CHD1: variants seen among roughly 807,000 people sequenced by gnomAD.
The protein encoded by CHD1 is chromodomain helicase DNA binding protein 1, also known as ATP-dependent chromatin remodeler CHD1.
CHD1 carries 36 observed loss-of-function variants against 224.2 expected under a neutral mutation model. That is an observed-to-expected ratio of 0.16 (90% CI 0.12 to 0.21). CHD1 has a LOEUF of 0.21. CHD1 is among the 10% of genes least tolerant of loss of function. The pLI is 1.00. For missense variants in CHD1, 1,378 were observed against 1,994.8 expected (o/e 0.69, Z 5.89); for synonymous variants, 668 against 658.3 (o/e 1.01, Z -0.23).
chr5:98,896,580 T>A, intron 11 of CHD1, 138 bp from the exon 12 acceptor site: 1 of 612,142 alleles, frequency 1.6e-6, no homozygotes, highest in Non-Finnish European at 2.8e-6. Context: ...TTTTATTAAC[T>A]ACAAATAATA....
chr5:98,910,062 A>C (rs1752289554), intron 2 of CHD1, among the ~76,000 whole-genome samples: 1 of 152,168 alleles, frequency 6.6e-6, no homozygotes, highest in Non-Finnish European at 1.5e-5. Flanking sequence ...TCTAAGTACT[A>C]GGTGAACCTA....
intron 1 of CHD1, among the ~76,000 whole-genome samples, chr5:98,928,073 GC>G (rs1163208434): frequency 1.3e-5 from 2 of 152,008 alleles, no homozygotes; most frequent in African/African-American, 4.8e-5. Flanking sequence ...TCGCGGACCT[GC>G]CCCCCTCTCC....
chr5:98,885,453 A>G (rs1716811205), intron 18 of CHD1, 125 bp downstream of exon 18: 2 of 657,922 alleles, frequency 3.0e-6, no homozygotes, highest in Non-Finnish European at 5.3e-6. Flanking sequence ...TGCTAATCAA[A>G]GGTGGCTAAC....
At position 98,900,996 on chromosome 5, in the gene CHD1, T is replaced by C. The variant is rs1751664784; in HGVS notation, c.674A>G (p.Tyr225Cys). The change falls in exon 7 of 36, where the codon TAT becomes TGT. Residue 225 changes from tyrosine (Y) to cysteine (C), a missense_variant. Tyr to Cys is a radical substitution (Grantham distance 194). Transcript: ENST00000614616. ...ACGAGAACTTCTTTTATCATTATCATAATCTTCTTCATCATCATCCTCCTC... is the reference window on the plus strand; with the variant it reads ...ACGAGAACTTCTTTTATCATTATCACAATCTTCTTCATCATCATCCTCCTC... ...SSEEDDDEED[Y>C]DNDKRSSRRQ... 2 of 1,614,018 alleles carry C rather than the reference T, an allele frequency of 1.2e-6. No individual in the cohort carries two copies. Among genetic ancestry groups the C allele is most frequent in the East Asian group, 4.5e-5 (2 of 44,862 alleles).
Position 98,881,373 on chromosome 5 carries a change from G to A in CHD1, c.2870C>T (p.Ser957Phe). ...VLHTGSAPSS[S>F]TPFNKEELSA... ...TAACTCTTCTTTATTGAAAGGAGTA[G>A]AACTAAAACAGGAAAAACAAAAATG... Residue 957 changes from serine to phenylalanine, a missense_variant and splice_region_variant, in exon 21 of 36, where the codon TCT becomes TTT. Physicochemically the swap from Ser to Phe is radical, Grantham distance 155 (BLOSUM62 -2). Around this residue, in one of 16 missense-constraint regions of CHD1, gnomAD observed 286 missense variants for 445.1 expected, o/e 0.64. Transcript: ENST00000614616. 1 of 1,495,050 alleles carries A rather than the reference G, an allele frequency of 6.7e-7. No homozygotes were observed. The highest frequency in any genetic ancestry group is 1.3e-5 in the South Asian group (1 of 76,924). 92.6% of individuals were successfully genotyped at this position (1,495,050 alleles called of 1,614,324 possible).
chr5:98,905,326 A>G (rs1190077763), intron 2 of CHD1, among the ~76,000 whole-genome samples: 1 of 152,228 alleles, frequency 6.6e-6, no homozygotes, highest in Non-Finnish European at 1.5e-5. Flanking sequence ...GATTTATGAC[A>G]TATTTTATAG....
chr5:98,873,116 C>T (rs1469783983), intron 26 of CHD1, among the ~76,000 whole-genome samples: 1 of 152,164 alleles, frequency 6.6e-6, no homozygotes, highest in Non-Finnish European at 1.5e-5. Flanking sequence ...GTGTGAGCCA[C>T]TATGCCTGGT....
At chr5:98,857,805 G>A (rs1459060330) in intron 35 of CHD1, among the ~76,000 whole-genome samples, 1 of 151,864 alleles carries the variant, frequency 6.6e-6, no homozygotes, top group East Asian at 1.9e-4. Context: ...TAAAAATATG[G>A]AATGCAAAAT....
At position 98,888,184 on chromosome 5, in the gene CHD1, T is replaced by C. The variant is rs1750778259; in HGVS notation, c.2400A>G (p.Leu800=). The C allele has an allele frequency of 6.2e-7, 1 of 1,611,504 alleles. No individual in the cohort carries two copies. The highest frequency in any genetic ancestry group is 2.2e-5 in the East Asian group (1 of 44,744). ...LILLDKLLIR[L]RERGNRVLIF... The stretch of plus-strand genomic sequence containing the variant: ...TAAGAACTCGATTGCCTCGTTCTCT[T>C]AGGCGAATTAATAGCTTGTCAAGAA... Residue 800 remains leucine, a synonymous_variant, in exon 17 of 36, where the codon CTA becomes CTG. Coordinates refer to ENST00000614616, the MANE Select transcript of CHD1 (RefSeq NM_001270.4).
rs753287763 is a variant in CHD1, at chr5:98,898,746, T to C, written c.1104A>G (p.Pro368=). 1.9e-6 allele frequency: 3 copies of C among 1,591,494 alleles called. No homozygotes were observed. The highest frequency in any genetic ancestry group is 2.2e-5 in the South Asian group (2 of 90,238). ...ETKRWLKNAS[P]EDVEYYNCQQ... ...GGCAATTATAATATTCCACATCTTCTGGAGAGGCATTTTTCAACCTGAAAA... is the reference window on the plus strand; with the variant it reads ...GGCAATTATAATATTCCACATCTTCCGGAGAGGCATTTTTCAACCTGAAAA... Residue 368 remains proline (P), a synonymous_variant, in exon 9 of 36, where the codon CCA becomes CCG. Transcript: ENST00000614616.
rs375895850 is a variant in CHD1, at chr5:98,856,744, G to C, written c.4788-19C>G. The C allele has an allele frequency of 1.7e-4, 247 of 1,458,388 alleles. No homozygotes were observed. The highest frequency in any genetic ancestry group is 2.4e-5 in the Non-Finnish European group (26 of 1,063,458). 90.3% of individuals were successfully genotyped at this position (1,458,388 alleles called of 1,614,324 possible). A position where few individuals can be genotyped will look rare whatever the true frequency, so the allele number is the denominator to read the frequency against. On this transcript the variant is annotated intron_variant, in intron 35 of 35. Coordinates refer to ENST00000614616, the MANE Select transcript of CHD1 (RefSeq NM_001270.4). ...GTAATATCTAATAAAGAAAAATTGAGAATTTTAGACAAATCATGCAAATTA... is the reference window on the plus strand; with the variant it reads ...GTAATATCTAATAAAGAAAAATTGACAATTTTAGACAAATCATGCAAATTA...
chr5:98,898,196 G>A (rs1751466732), intron 10 of CHD1, 60 bp downstream of exon 10: 2 of 932,488 alleles, frequency 2.1e-6, no homozygotes, highest in South Asian at 4.8e-5. Flanking sequence ...ATTTAGGCTT[G>A]TAAATATTTA....
Position 98,892,677 on chromosome 5 carries a change from G to A in CHD1, c.2028C>T (p.Gly676=). The change falls in exon 15 of 36, where the codon GGC becomes GGT. Residue 676 remains glycine, a synonymous_variant. Transcript: ENST00000614616. The part of the protein sequence containing the change: ...SSWEDFEEEH[G]KGREYGYASL... The stretch of plus-strand genomic sequence containing the variant: ...TTGCATAACCATATTCTCTCCCTTT[G>A]CCATGTTCTTCTTCAAAATCTTCCC... 1.2e-6 allele frequency: 2 copies of A among 1,602,328 alleles called. No homozygotes were observed. The highest frequency in any genetic ancestry group is 2.2e-5 in the South Asian group (2 of 89,094).
chr5:98,924,250 C>CAAAAG (rs367806230), intron 2 of CHD1, among the ~76,000 whole-genome samples: 5 of 150,206 alleles, frequency 3.3e-5, no homozygotes, highest in African/African-American at 1.2e-4. Flanking sequence ...GGCCCTGTCT[C>CAAAAG]AAAAGAAAAG....
At chr5:98,860,212 C>T in intron 32 of CHD1, 144 bp from the exon 33 acceptor site, 1 of 652,208 alleles carries the variant, frequency 1.5e-6, no homozygotes, top group East Asian at 3.1e-5. Context: ...TATTAATTTT[C>T]CTATGCATTT....
chr5:98,923,803 G>A (rs1202435494), intron 2 of CHD1, among the ~76,000 whole-genome samples: 47 of 152,152 alleles, frequency 3.1e-4, no homozygotes, highest in Admixed American at 3.0e-3. Flanking sequence ...ATAAAATATT[G>A]GAACAGGTAA....
intron 23 of CHD1, among the ~76,000 whole-genome samples, chr5:98,879,272 T>G (rs1749991689): frequency 6.6e-6 from 1 of 151,748 alleles, no homozygotes; most frequent in Admixed American, 6.6e-5. Context: ...AACAGCAAAT[T>G]AAATCAAAAG....
intron 35 of CHD1, among the ~76,000 whole-genome samples, chr5:98,857,634 A>G (rs2112440568): frequency 6.6e-6 from 1 of 152,228 alleles, no homozygotes; most frequent in East Asian, 1.9e-4. Context: ...TAAAGGAATA[A>G]AAAGTATTCT....
chr5:98,900,131 A>T (rs1751601897), intron 7 of CHD1, among the ~76,000 whole-genome samples: 1 of 151,824 alleles, frequency 6.6e-6, no homozygotes, highest in African/African-American at 2.4e-5. Context: ...AAATACAAAA[A>T]ATCAGCCAGG....
Sources: gnomAD v4.1 joint callset for allele counts (sites outside exome capture counted in the v4.1 genomes callset) on GRCh38, gnomAD v4.1.1 for gene constraint, gnomAD v4.1.1 regional missense constraint, MANE v1.5 for transcripts, NCBI Gene and HGNC (gene_info 2026-07-23, HGNC 2026-07-21) for gene names.